The following GRIK2 variants were observed in gnomAD, a reference collection of about 807,000 sequenced individuals.
GRIK2 encodes glutamate receptor ionotropic, kainate 2.
GRIK2 carries 32 observed loss-of-function variants against 100.3 expected under a neutral mutation model. The observed-to-expected ratio is 0.32, with a 90% confidence interval of 0.24 to 0.43. The LOEUF (loss-of-function observed/expected upper bound fraction) is 0.43, where lower values mean the gene tolerates loss of function less well. GRIK2 is among the 20% of genes least tolerant of loss of function. The pLI is 1.00. For missense variants in GRIK2, 843 were observed against 1,114.9 expected, an observed-to-expected ratio of 0.76 and a Z score of 3.47; for synonymous variants, 417 against 389.4, an observed-to-expected ratio of 1.07 and a Z score of -0.83.
chr6:101,534,833 T>A (rs770672216), intron 2 of GRIK2, among the ~76,000 whole-genome samples: 1 of 151,782 alleles, frequency 6.6e-6, no homozygotes, highest in Non-Finnish European at 1.5e-5. Context: ...ATAATGACTT[T>A]TTTTTTCAAA....
At position 101,529,750 on chromosome 6, in the gene GRIK2, G is replaced by A. The variant is rs548080338; in HGVS notation, c.116-92199G>A. Reference sequence around the variant, plus strand: ...GAATCCAAGGTTGAAAGTGATGAATGCAGAGGCCTGGACAAAGTCCTATGG... The same window carrying A: ...GAATCCAAGGTTGAAAGTGATGAATACAGAGGCCTGGACAAAGTCCTATGG... On this transcript the variant is annotated intron_variant, in intron 2 of 16. Transcript: ENST00000369134. Among the ~76,000 whole-genome samples the A allele has an allele frequency of 3.3e-5, 5 of 152,240 alleles. No homozygotes were observed. The East Asian group carries it at 9.7e-4, about 29-fold the overall frequency.
intron 2 of GRIK2, among the ~76,000 whole-genome samples, chr6:101,560,032 TAG>T (rs976580345): frequency 3.5e-4 from 54 of 152,246 alleles, no homozygotes; most frequent in African/African-American, 1.3e-3. Flanking sequence ...TGAAGCTTCA[TAG>T]CAGAGGAATA....
rs190829071 is a variant in GRIK2 at position 101,411,704 on chromosome 6, T to C, written c.115+12312T>C. Among the ~76,000 whole-genome samples, 271 of 152,222 alleles carry C rather than the reference T, an allele frequency of 1.8e-3. 3 individuals carry two copies. Among genetic ancestry groups the C allele is most frequent in the African/African-American group, 6.1e-3 (253 of 41,556 alleles). ...GATAACAGTTGGGGCTTAGATATTT[T>C]ATAATTCTTCACAGAACACAGAGTG... On this transcript the variant is annotated intron_variant, in intron 2 of 16. Transcript: ENST00000369134.
At chr6:101,819,752 A>T (rs988099117) in intron 10 of GRIK2, among the ~76,000 whole-genome samples, 5 of 151,942 alleles carry the variant, frequency 3.3e-5, no homozygotes, top group Non-Finnish European at 7.4e-5. Flanking sequence ...CCACGTAACT[A>T]TTTCTTCTGC....
intron 2 of GRIK2, among the ~76,000 whole-genome samples, chr6:101,514,254 A>G (rs1375211840): frequency 6.6e-6 from 1 of 151,824 alleles, no homozygotes; most frequent in Non-Finnish European, 1.5e-5. Context: ...CAGATGAATC[A>G]TAGACACAAG....
intron 9 of GRIK2, among the ~76,000 whole-genome samples, chr6:101,806,036 A>G (rs1780985113): frequency 6.6e-6 from 1 of 152,022 alleles, no homozygotes. Flanking sequence ...AACCCAGCCC[A>G]ATTCACTGTG....
intron 9 of GRIK2, among the ~76,000 whole-genome samples, chr6:101,814,775 T>C (rs1420732250): frequency 6.6e-6 from 1 of 152,176 alleles, no homozygotes; most frequent in African/African-American, 2.4e-5. Context: ...ACAATGATAG[T>C]TGAATCACGA....
At chr6:101,534,830 CTT>C (rs1018018664) in intron 2 of GRIK2, among the ~76,000 whole-genome samples, 1 of 150,692 alleles carries the variant, frequency 6.6e-6, no homozygotes, top group Non-Finnish European at 1.5e-5. Flanking sequence ...ATCATAATGA[CTT>C]TTTTTTTCAA....
chr6:101,858,621 C>A (rs933462404), intron 10 of GRIK2, among the ~76,000 whole-genome samples: 1 of 151,832 alleles, frequency 6.6e-6, no homozygotes, highest in African/African-American at 2.4e-5. Context: ...GATCTCCTGA[C>A]CTCGTGATCT....
intron 11 of GRIK2, among the ~76,000 whole-genome samples, chr6:101,863,650 T>C (rs1174260703): frequency 6.6e-6 from 1 of 152,166 alleles, no homozygotes; most frequent in Admixed American, 6.5e-5. Context: ...GCTGATAAAA[T>C]GTGTGAGGGA....
At chr6:101,771,529 T>C (rs1295882780) in intron 7 of GRIK2, among the ~76,000 whole-genome samples, 2 of 151,250 alleles carry the variant, frequency 1.3e-5, no homozygotes, top group Non-Finnish European at 3.0e-5. Flanking sequence ...TTTTATTTAT[T>C]ATTATTTTTT....
intron 11 of GRIK2, among the ~76,000 whole-genome samples, chr6:101,885,951 C>G (rs919684445): frequency 6.6e-6 from 1 of 152,072 alleles, no homozygotes; most frequent in Non-Finnish European, 1.5e-5. Flanking sequence ...AGAGTTCTCT[C>G]TTTGTGTTGT....
chr6:101,834,816 T>C (rs749964770), intron 10 of GRIK2, among the ~76,000 whole-genome samples: 4 of 151,886 alleles, frequency 2.6e-5, no homozygotes, highest in Non-Finnish European at 5.9e-5. Context: ...CAGGGCAACA[T>C]AGGAAGACCC....
intron 10 of GRIK2, among the ~76,000 whole-genome samples, chr6:101,849,567 CT>C (rs1783996296): frequency 1.3e-5 from 2 of 151,992 alleles, no homozygotes; most frequent in Admixed American, 1.3e-4. Flanking sequence ...GATTTCCATA[CT>C]CTATAAAAAC....
chr6:101,643,779 A>T (rs1781394339), intron 4 of GRIK2, among the ~76,000 whole-genome samples: 1 of 151,772 alleles, frequency 6.6e-6, no homozygotes, highest in South Asian at 2.1e-4. Context: ...TGGAATTTTG[A>T]TAGAGAGTAC....
chr6:101,861,256 T>G (rs1784718095), intron 11 of GRIK2, among the ~76,000 whole-genome samples: 1 of 152,230 alleles, frequency 6.6e-6, no homozygotes, highest in Non-Finnish European at 1.5e-5. Flanking sequence ...AAACTTAGTG[T>G]CTTCTTACTT....
At chr6:101,531,475 T>C (rs1032059249) in intron 2 of GRIK2, among the ~76,000 whole-genome samples, 2 of 151,962 alleles carry the variant, frequency 1.3e-5, no homozygotes, top group Non-Finnish European at 1.5e-5. Context: ...GAAGTTGTTA[T>C]AGAAGATAAG....
At chr6:101,832,272 C>T (rs2128428565) in intron 10 of GRIK2, among the ~76,000 whole-genome samples, 1 of 152,066 alleles carries the variant, frequency 6.6e-6, no homozygotes, top group South Asian at 2.1e-4. Context: ...AATTGTTTTA[C>T]AGTTATAAGA....
intron 2 of GRIK2, among the ~76,000 whole-genome samples, chr6:101,458,065 G>A (rs1350526158): frequency 2.6e-5 from 4 of 151,980 alleles, no homozygotes; most frequent in Non-Finnish European, 4.4e-5. Flanking sequence ...AACACACTGT[G>A]CATATTTGAA....
Sources: allele counts gnomAD v4.1 joint callset (sites outside exome capture counted in the v4.1 genomes callset), GRCh38; gene constraint gnomAD v4.1.1; transcripts MANE v1.5; gene names NCBI Gene and HGNC (gene_info 2026-07-23, HGNC 2026-07-21).